The following MCPH1 variants were observed in gnomAD, a reference collection of about 807,000 sequenced individuals.
The protein encoded by MCPH1 is microcephalin 1.
In MCPH1, 104 loss-of-function variants were observed where a neutral mutation model predicts 84.5. The ratio of observed to expected loss-of-function variants is 1.23; its 90% CI spans 1.05 to 1.45. MCPH1 has a LOEUF of 1.45. MCPH1 is among the 40% of genes most tolerant of loss of function. The pLI is 0.00. For missense variants in MCPH1, 1,498 were observed against 1,005.7 expected, an observed-to-expected ratio of 1.49 and a Z score of -6.62; for synonymous variants, 514 against 366.8, an observed-to-expected ratio of 1.40 and a Z score of -4.58.
At chr8:6,433,834 C>T (rs534804555) in intron 4 of MCPH1, among the ~76,000 whole-genome samples, 1 of 151,984 alleles carries the variant, frequency 6.6e-6, no homozygotes, top group East Asian at 1.9e-4. Flanking sequence ...AGGCCTTATT[C>T]TTTTGGGTCC....
intron 12 of MCPH1, among the ~76,000 whole-genome samples, chr8:6,523,632 T>TG (rs759178826): frequency 1.3e-5 from 2 of 152,154 alleles, no homozygotes; most frequent in Admixed American, 1.3e-4. Context: ...CGCTGTGGCC[T>TG]GGGCTGTTGT....
intron 12 of MCPH1, among the ~76,000 whole-genome samples, chr8:6,592,851 A>T (rs118052007): frequency 0.03 from 4,159 of 139,908 alleles, 95 homozygotes; most frequent in Admixed American, 0.077. Flanking sequence ...ATTTTTGGTG[A>T]AGACGAGGTC....
intron 12 of MCPH1, among the ~76,000 whole-genome samples, chr8:6,555,253 C>T (rs1824386706): frequency 6.6e-6 from 1 of 152,106 alleles, no homozygotes; most frequent in Non-Finnish European, 1.5e-5. Context: ...AAACCGTTTT[C>T]AAACTCTAAT....
chr8:6,557,798 C>G (rs1359489180), intron 12 of MCPH1, among the ~76,000 whole-genome samples: 1 of 151,926 alleles, frequency 6.6e-6, no homozygotes. Context: ...TTGTGAACAG[C>G]TAATTGGAAA....
chr8:6,475,318 G>A (rs776065233), intron 9 of MCPH1, among the ~76,000 whole-genome samples: 3 of 152,254 alleles, frequency 2.0e-5, no homozygotes, highest in Non-Finnish European at 2.9e-5. Context: ...GTGGTGGACA[G>A]CCTGATGCTT....
At position 6,644,682 on chromosome 8, in the gene MCPH1, C is replaced by A. The variant is rs758635095; in HGVS notation, c.*1633C>A. 2 of 152,168 alleles carry A rather than the reference C, an allele frequency of 1.3e-5. No homozygotes were observed. Among genetic ancestry groups the A allele is most frequent in the African/African-American group, 4.8e-5 (2 of 41,438 alleles). 9.4% of individuals were successfully genotyped at this position (152,168 alleles called of 1,614,324 possible). ...CCATAAACGAGATGCTGAGTCCCAG[C>A]GAGGTCGGAGGTGCCACTGAGCCCT... On this transcript the variant is annotated 3_prime_UTR_variant, in exon 14 of 14. Coordinates refer to ENST00000344683, the MANE Select transcript of MCPH1 (RefSeq NM_024596.5).
chr8:6,590,365 T>G lies in MCPH1; in HGVS notation c.2215-31089T>G, dbSNP rs552224693. Among the ~76,000 whole-genome samples the G allele has an allele frequency of 3.3e-5, 5 of 152,318 alleles. No homozygotes were observed. The South Asian group carries it at 8.3e-4, about 25-fold the overall frequency. ...CATGAAGTGAATGGAAACATTTGGT[T>G]TATGTTTTCTGGAATGTCTCATAAG... On this transcript the variant is annotated intron_variant, in intron 12 of 13. Coordinates refer to ENST00000344683, the MANE Select transcript of MCPH1 (RefSeq NM_024596.5).
chr8:6,463,337 T>A (rs73661750), intron 9 of MCPH1, among the ~76,000 whole-genome samples: 1 of 152,198 alleles, frequency 6.6e-6, no homozygotes, highest in Non-Finnish European at 1.5e-5. Flanking sequence ...CTGAAAGAAC[T>A]GAGATCTTTG....
intron 12 of MCPH1, among the ~76,000 whole-genome samples, chr8:6,557,518 C>G (rs190576889): frequency 1.3e-5 from 2 of 152,172 alleles, no homozygotes; most frequent in East Asian, 3.9e-4. Flanking sequence ...TTGTTAGGTT[C>G]CTTCAAGCCA....
intron 1 of MCPH1, among the ~76,000 whole-genome samples, chr8:6,407,836 G>C (rs936636854): frequency 3.9e-5 from 6 of 152,172 alleles, no homozygotes; most frequent in Non-Finnish European, 7.3e-5. Context: ...GCCTGTTTTT[G>C]TAAGGGTCTA....
At chr8:6,617,891 T>TACCTATCTA (rs1323001383) in intron 12 of MCPH1, among the ~76,000 whole-genome samples, 1 of 124,676 alleles carries the variant, frequency 8.0e-6, no homozygotes, top group Non-Finnish European at 1.8e-5. Context: ...TCTATCTATC[T>TACCTATCTA]ATCTATCTAA....
At chr8:6,611,773 C>T (rs1162520859) in intron 12 of MCPH1, among the ~76,000 whole-genome samples, 2 of 152,230 alleles carry the variant, frequency 1.3e-5, no homozygotes, top group East Asian at 1.9e-4. Flanking sequence ...CGTCCGCCAC[C>T]ACGCCCGGCT....
intron 3 of MCPH1, among the ~76,000 whole-genome samples, chr8:6,431,018 C>A (rs2129553975): frequency 6.6e-6 from 1 of 152,310 alleles, no homozygotes; most frequent in Middle Eastern, 3.4e-3. Flanking sequence ...GCATTGGTTG[C>A]ACACCTGGGC....
intron 8 of MCPH1, among the ~76,000 whole-genome samples, chr8:6,450,609 G>C (rs1366432220): frequency 6.6e-6 from 1 of 151,426 alleles, no homozygotes; most frequent in African/African-American, 2.4e-5. Context: ...TAACCAATAA[G>C]AAACTGTTTC....
intron 9 of MCPH1, among the ~76,000 whole-genome samples, chr8:6,459,826 GA>G (rs1806083031): frequency 6.6e-6 from 1 of 152,200 alleles, no homozygotes; most frequent in Non-Finnish European, 1.5e-5. Flanking sequence ...TGTCAGTCGT[GA>G]GTTCTGAGTA....
chr8:6,430,504 A>G (rs902796079), intron 3 of MCPH1, among the ~76,000 whole-genome samples: 2 of 152,374 alleles, frequency 1.3e-5, no homozygotes, highest in East Asian at 1.9e-4. Flanking sequence ...CACTTACCAC[A>G]TTGCATAGAC....
intron 12 of MCPH1, among the ~76,000 whole-genome samples, chr8:6,559,226 C>A (rs957869738): frequency 9.9e-6 from 1 of 101,436 alleles, no homozygotes; most frequent in African/African-American, 4.6e-5. Flanking sequence ...TAGCCACACA[C>A]GACAACACAC....
At chr8:6,583,367 C>T (rs1453997170) in intron 12 of MCPH1, among the ~76,000 whole-genome samples, 2 of 152,126 alleles carry the variant, frequency 1.3e-5, no homozygotes, top group Non-Finnish European at 2.9e-5. Context: ...AATACACAAA[C>T]AAAAACACAC....
chr8:6,467,964 A>G (rs1377272937), intron 9 of MCPH1, among the ~76,000 whole-genome samples: 1 of 152,166 alleles, frequency 6.6e-6, no homozygotes, highest in Non-Finnish European at 1.5e-5. Context: ...AAATAGTAGC[A>G]CTAGCCAGGA....
Sources: gnomAD v4.1 joint callset for allele counts (sites outside exome capture counted in the v4.1 genomes callset) on GRCh38, gnomAD v4.1.1 for gene constraint, MANE v1.5 for transcripts, NCBI Gene and HGNC (gene_info 2026-07-23, HGNC 2026-07-21) for gene names.